ZDHHC21: variants seen among roughly 807,000 people sequenced by gnomAD.
The protein encoded by ZDHHC21 is palmitoyltransferase ZDHHC21.
In ZDHHC21, 15 loss-of-function variants were observed where a neutral mutation model predicts 34.6. The observed-to-expected ratio is 0.43, with a 90% CI of 0.29 to 0.67. ZDHHC21 has a LOEUF of 0.67. Ranked by LOEUF, ZDHHC21 falls within the 30% of genes least tolerant of loss-of-function variation. ZDHHC21 has a pLI of 0.14. For synonymous variants in ZDHHC21, 142 were observed against 101.8 expected, an observed-to-expected ratio of 1.40 and a Z score of -2.38; for missense variants, 344 against 327.7, an observed-to-expected ratio of 1.05 and a Z score of -0.38.
intron 2 of ZDHHC21, among the ~76,000 whole-genome samples, chr9:14,689,902 A>G (rs1838921340): frequency 6.6e-6 from 1 of 152,062 alleles, no homozygotes; most frequent in Admixed American, 6.5e-5. Context: ...CAAAAAGTAA[A>G]AATAGCTTGG....
chr9:14,648,601 T>A (rs767985700), intron 7 of ZDHHC21, among the ~76,000 whole-genome samples: 1 of 152,116 alleles, frequency 6.6e-6, no homozygotes, highest in African/African-American at 2.4e-5. Context: ...TATCCACCCC[T>A]GTACCCTGCT....
rs1036444699 is a variant in ZDHHC21 at position 14,693,171 on chromosome 9, G to T, written c.-225+58C>A. On this transcript the variant is annotated intron_variant, in intron 1 of 9. Coordinates refer to ENST00000380916, the MANE Select transcript of ZDHHC21 (RefSeq NM_178566.6). ...AGCGGGGGCCGGGGATGGGGGTGGG[G>T]GTGCGGATGGGGATGGGGGTGGGGG... The T allele has an allele frequency of 3.6e-5, 10 of 279,326 alleles. No individual in the cohort carries two copies. In the East Asian group the frequency reaches 7.0e-4, roughly 20 times the overall value. The allele number at this position is 279,326 out of a possible 1,614,324, so 17.3% of individuals were successfully genotyped here.
chr9:14,671,048 A>G (rs989601729), intron 5 of ZDHHC21, among the ~76,000 whole-genome samples: 1 of 152,114 alleles, frequency 6.6e-6, no homozygotes, highest in African/African-American at 2.4e-5. Context: ...AAAATTTATG[A>G]TAGCTTTAAA....
At chr9:14,651,048 ATC>A (rs1564294765) in intron 7 of ZDHHC21, among the ~76,000 whole-genome samples, 2 of 152,020 alleles carry the variant, frequency 1.3e-5, no homozygotes, top group African/African-American at 4.8e-5. Flanking sequence ...TAGCTGTATA[ATC>A]TCTGACAGTA....
chr9:14,612,477 AAAGGTGTTTT>A lies in ZDHHC21; in HGVS notation c.*6479_*6488del, dbSNP rs375596314. 166 of 152,086 alleles carry A rather than the reference AAAGGTGTTTT, an allele frequency of 1.1e-3. 3 individuals are homozygous for A. Among genetic ancestry groups the A allele is most frequent in the African/African-American group, 3.9e-3 (162 of 41,552 alleles). 9.4% of individuals were successfully genotyped at this position (152,086 alleles called of 1,614,324 possible). On this transcript the variant is annotated 3_prime_UTR_variant, in exon 10 of 10. Transcript: ENST00000380916. ...CATTACATTTGGACAATTACATTTCAAAGGTGTTTTAAATTACGAGTACACTTAAAGGGTG... is the reference window on the plus strand; with the variant it reads ...CATTACATTTGGACAATTACATTTCAAAATTACGAGTACACTTAAAGGGTG...
At chr9:14,664,357 T>C (rs1833984930) in intron 5 of ZDHHC21, among the ~76,000 whole-genome samples, 2 of 151,390 alleles carry the variant, frequency 1.3e-5, no homozygotes, top group African/African-American at 2.4e-5. Flanking sequence ...CGGAGGGTCC[T>C]ATGCCCACGG....
intron 5 of ZDHHC21, among the ~76,000 whole-genome samples, chr9:14,663,329 A>G (rs80178594): frequency 0.031 from 4,716 of 152,206 alleles, 243 homozygotes; most frequent in African/African-American, 0.11. Context: ...CTATATTCAG[A>G]TTGAATTTTA....
intron 2 of ZDHHC21, among the ~76,000 whole-genome samples, chr9:14,682,126 C>A (rs1837491369): frequency 2.6e-5 from 4 of 152,150 alleles, no homozygotes; most frequent in Admixed American, 2.6e-4. Context: ...GAAGAAACTG[C>A]ATCAACTAAC....
intron 6 of ZDHHC21, among the ~76,000 whole-genome samples, chr9:14,659,257 G>A (rs1832923434): frequency 6.6e-6 from 1 of 152,114 alleles, no homozygotes; most frequent in Non-Finnish European, 1.5e-5. Context: ...CAAGAACCCT[G>A]CTTCCCTGTA....
At chr9:14,676,855 A>T (rs1431200123) in intron 3 of ZDHHC21, among the ~76,000 whole-genome samples, 1 of 152,014 alleles carries the variant, frequency 6.6e-6, no homozygotes, top group African/African-American at 2.4e-5. Flanking sequence ...AAAAGAAATG[A>T]CAAGTGCTCT....
At chr9:14,674,714 T>A (rs1363394895) in intron 3 of ZDHHC21, among the ~76,000 whole-genome samples, 1 of 152,052 alleles carries the variant, frequency 6.6e-6, no homozygotes, top group African/African-American at 2.4e-5. Context: ...CAACTTCCTG[T>A]GTAAACCCAA....
At chr9:14,625,562 G>C (rs1826058637) in intron 8 of ZDHHC21, among the ~76,000 whole-genome samples, 1 of 151,774 alleles carries the variant, frequency 6.6e-6, no homozygotes, top group Non-Finnish European at 1.5e-5. Context: ...AGGTTTTTGT[G>C]GGGATTAAAT....
At chr9:14,677,243 G>A (rs1004449602) in intron 3 of ZDHHC21, 1 of 151,762 alleles carries the variant, frequency 6.6e-6, no homozygotes, top group African/African-American at 2.4e-5. Flanking sequence ...GTGAGCACAG[G>A]ATAGAAAAAT....
At chr9:14,657,969 T>A (rs1045755685) in intron 7 of ZDHHC21, among the ~76,000 whole-genome samples, 3 of 152,202 alleles carry the variant, frequency 2.0e-5, no homozygotes, top group African/African-American at 7.2e-5. Flanking sequence ...GAAACATTTC[T>A]AAAACTATAG....
At chr9:14,653,206 C>A (rs1002410208) in intron 7 of ZDHHC21, among the ~76,000 whole-genome samples, 4 of 151,976 alleles carry the variant, frequency 2.6e-5, no homozygotes, top group East Asian at 1.9e-4. Context: ...TAGTTTTATA[C>A]ACATAATCAA....
At chr9:14,638,091 G>C (rs947369799) in intron 8 of ZDHHC21, among the ~76,000 whole-genome samples, 1 of 152,056 alleles carries the variant, frequency 6.6e-6, no homozygotes, top group African/African-American at 2.4e-5. Context: ...AAAGGACAAT[G>C]CTGGAGGCAT....
chr9:14,673,541 A>C (rs1362541055), intron 4 of ZDHHC21, among the ~76,000 whole-genome samples: 2 of 151,760 alleles, frequency 1.3e-5, no homozygotes, highest in Non-Finnish European at 2.9e-5. Flanking sequence ...AAAAAAAAAA[A>C]CATACTGTAC....
intron 8 of ZDHHC21, among the ~76,000 whole-genome samples, chr9:14,628,333 T>C (rs940799289): frequency 3.9e-5 from 6 of 152,246 alleles, no homozygotes; most frequent in South Asian, 2.1e-4. Flanking sequence ...TCTTTCACTA[T>C]CAACAGGAAG....
At chr9:14,676,973 T>C (rs1389474275) in intron 3 of ZDHHC21, among the ~76,000 whole-genome samples, 3 of 151,956 alleles carry the variant, frequency 2.0e-5, no homozygotes, top group South Asian at 2.1e-4. Context: ...TATATGAGAG[T>C]AGCTTAAATT....
Sources: allele counts gnomAD v4.1 joint callset (sites outside exome capture counted in the v4.1 genomes callset), GRCh38; gene constraint gnomAD v4.1.1; transcripts MANE v1.5; gene names NCBI Gene and HGNC (gene_info 2026-07-23, HGNC 2026-07-21).